The following SCHIP1 variants were observed in gnomAD, a reference collection of about 807,000 sequenced individuals.
The protein encoded by SCHIP1 is schwannomin interacting protein 1.
SCHIP1 carries 8 observed loss-of-function variants against 29.7 expected under a neutral mutation model. That is an observed-to-expected ratio of 0.27 (90% CI 0.16 to 0.49). The LOEUF (loss-of-function observed/expected upper bound fraction) is 0.49, where lower values mean the gene tolerates loss of function less well. Ranked by LOEUF, SCHIP1 falls within the 20% of genes least tolerant of loss-of-function variation. The pLI, the probability that SCHIP1 is intolerant of heterozygous loss-of-function variation, is 0.99. For missense variants in SCHIP1, 193 were observed against 294.6 expected (o/e 0.66, Z 2.52); for synonymous variants, 76 against 94.9 (o/e 0.80, Z 1.16).
At chr3:159,431,515 G>A in the SCHIP1 span, among the ~76,000 whole-genome samples, 2 of 152,004 alleles carry the variant, frequency 1.3e-5, no homozygotes, top group African/African-American at 2.4e-5. Flanking sequence ...GGAGTGAGAG[G>A]TTGAAATCCA....
chr3:159,681,363 T>G, the SCHIP1 span, among the ~76,000 whole-genome samples: 1 of 152,180 alleles, frequency 6.6e-6, no homozygotes, highest in Non-Finnish European at 1.5e-5. Flanking sequence ...TTTTTACTTT[T>G]TATTGTAAAA....
chr3:159,459,537 T>A, the SCHIP1 span, among the ~76,000 whole-genome samples: 2 of 145,236 alleles, frequency 1.4e-5, no homozygotes, highest in African/African-American at 5.4e-5. Flanking sequence ...GTTATTATAG[T>A]ACCCTGTGAA....
At chr3:159,891,645 G>A (rs1202168809) in intron 5 of SCHIP1, among the ~76,000 whole-genome samples, 2 of 152,136 alleles carry the variant, frequency 1.3e-5, no homozygotes, top group Non-Finnish European at 2.9e-5. Context: ...CCATGTGAAG[G>A]CATTGAGCAT....
the SCHIP1 span, among the ~76,000 whole-genome samples, chr3:159,553,555 G>A: frequency 3.3e-5 from 5 of 152,120 alleles, no homozygotes; most frequent in Admixed American, 3.3e-4. Context: ...TTAACCTTTT[G>A]TGTTTTACTT....
the SCHIP1 span, among the ~76,000 whole-genome samples, chr3:159,622,149 A>G: frequency 6.6e-6 from 1 of 152,336 alleles, no homozygotes; most frequent in Middle Eastern, 3.4e-3. Flanking sequence ...CCCAGAACCT[A>G]CTTTGCTTCA....
the SCHIP1 span, among the ~76,000 whole-genome samples, chr3:159,608,494 G>A: frequency 6.6e-6 from 1 of 152,184 alleles, no homozygotes; most frequent in Non-Finnish European, 1.5e-5. Context: ...TACTCTTTCA[G>A]CCAGTAATGT....
chr3:159,444,231 A>G, the SCHIP1 span, among the ~76,000 whole-genome samples: 1 of 152,132 alleles, frequency 6.6e-6, no homozygotes, highest in Admixed American at 6.6e-5. Context: ...GAATTGTCCC[A>G]CTGAGAGGAG....
the SCHIP1 span, among the ~76,000 whole-genome samples, chr3:159,547,175 A>G: frequency 6.6e-6 from 1 of 152,150 alleles, no homozygotes; most frequent in South Asian, 2.1e-4. Flanking sequence ...ATGACCAGTG[A>G]TGAGCTTTTT....
At chr3:159,440,594 A>C in the SCHIP1 span, among the ~76,000 whole-genome samples, 1 of 152,136 alleles carries the variant, frequency 6.6e-6, no homozygotes, top group East Asian at 1.9e-4. Flanking sequence ...CAAATATTTT[A>C]AGAATTGCCC....
chr3:159,367,170 A>T, the SCHIP1 span, among the ~76,000 whole-genome samples: 1 of 152,150 alleles, frequency 6.6e-6, no homozygotes, highest in African/African-American at 2.4e-5. Flanking sequence ...AGGCGGGCGG[A>T]TCACTTGAGG....
chr3:159,603,786 A>G, the SCHIP1 span, among the ~76,000 whole-genome samples: 2 of 152,124 alleles, frequency 1.3e-5, no homozygotes, highest in Non-Finnish European at 2.9e-5. Flanking sequence ...TTTATTTTTT[A>G]CCATTCTTAA....
the SCHIP1 span, among the ~76,000 whole-genome samples, chr3:159,530,706 T>C: frequency 6.6e-6 from 1 of 152,162 alleles, no homozygotes; most frequent in African/African-American, 2.4e-5. Flanking sequence ...ACAACCCATT[T>C]CCTGCACTCT....
At chr3:159,668,333 C>T in the SCHIP1 span, among the ~76,000 whole-genome samples, 47 of 144,276 alleles carry the variant, frequency 3.3e-4, no homozygotes, top group South Asian at 1.0e-2. Context: ...GCCGAGAGCA[C>T]GCAACTGCAC....
chr3:159,784,224 G>A, the SCHIP1 span, among the ~76,000 whole-genome samples: 1 of 152,238 alleles, frequency 6.6e-6, no homozygotes, highest in Non-Finnish European at 1.5e-5. Flanking sequence ...CCTTTGAAGT[G>A]AAAATGTTTT....
the SCHIP1 span, among the ~76,000 whole-genome samples, chr3:159,691,670 A>T: frequency 6.6e-6 from 1 of 152,030 alleles, no homozygotes; most frequent in African/African-American, 2.4e-5. Flanking sequence ...TTTGCCCATT[A>T]GTTGCTGCAG....
the SCHIP1 span, among the ~76,000 whole-genome samples, chr3:159,516,935 C>T: frequency 1.3e-5 from 2 of 152,162 alleles, no homozygotes; most frequent in African/African-American, 4.8e-5. Flanking sequence ...ACGAGATAAT[C>T]CATTTAGGGG....
At chr3:159,489,256 C>G in the SCHIP1 span, among the ~76,000 whole-genome samples, 2 of 152,082 alleles carry the variant, frequency 1.3e-5, no homozygotes, top group Non-Finnish European at 2.9e-5. Context: ...CATGTTGACT[C>G]CCTCTATCTC....
the SCHIP1 span, among the ~76,000 whole-genome samples, chr3:159,388,540 C>A: frequency 6.6e-6 from 1 of 151,988 alleles, no homozygotes; most frequent in Non-Finnish European, 1.5e-5. Flanking sequence ...AAAATTCCTA[C>A]AAATCTTTTG....
the SCHIP1 span, among the ~76,000 whole-genome samples, chr3:159,795,295 A>G: frequency 6.6e-6 from 1 of 152,200 alleles, no homozygotes; most frequent in Non-Finnish European, 1.5e-5. Flanking sequence ...TCCAGTGGTT[A>G]AGAATGTGGG....
Sources: gnomAD v4.1 joint callset for allele counts (sites outside exome capture counted in the v4.1 genomes callset) on GRCh38, gnomAD v4.1.1 for gene constraint, MANE v1.5 for transcripts, NCBI Gene and HGNC (gene_info 2026-07-23, HGNC 2026-07-21) for gene names.